The following DERA variants were observed in gnomAD, a reference collection of about 807,000 sequenced individuals.
The protein encoded by DERA is 2-deoxy-D-ribose 5-phosphate aldolase.
Under a neutral mutation model 41.1 loss-of-function variants are expected in DERA, and 15 were observed. That is an observed-to-expected ratio of 0.37 (90% CI 0.24 to 0.56). The LOEUF (loss-of-function observed/expected upper bound fraction) is 0.56, where lower values mean the gene tolerates loss of function less well. DERA is among the 20% of genes least tolerant of loss of function. The probability of loss-of-function intolerance (pLI) is 0.81; values close to 1 mark genes in which losing one functional copy is unlikely to be tolerated. For missense variants in DERA, 396 were observed against 403.4 expected (o/e 0.98, Z 0.16); for synonymous variants, 139 against 137.4 (o/e 1.01, Z -0.08).
rs1949017862 is a variant in DERA, at chr12:16,021,675, C to T, written c.638-10867C>T. Among the ~76,000 whole-genome samples the T allele has an allele frequency of 6.6e-6, 1 of 152,218 alleles. No homozygotes were observed. Among genetic ancestry groups the T allele is most frequent in the South Asian group, 2.1e-4 (1 of 4,832 alleles). ...GGACTTAGGAGCCCACCTCTTTCAC[C>T]AGTGTGCCCTGGATGCAGGACATGG... On this transcript the variant is annotated intron_variant, in intron 6 of 8. Coordinates refer to ENST00000428559, the MANE Select transcript of DERA (RefSeq NM_015954.4). The surrounding 1 kb of genome is among the most constrained non-coding windows in gnomAD (Gnocchi z 5.3).
At chr12:15,949,240 G>A (rs138307663) in intron 1 of DERA, among the ~76,000 whole-genome samples, 465 of 152,258 alleles carry the variant, frequency 3.1e-3, no homozygotes, top group Non-Finnish European at 5.3e-3. Flanking sequence ...AGATAGGGAC[G>A]TTTAAGTCTG....
chr12:15,973,684 C>T (rs754720842), intron 5 of DERA, among the ~76,000 whole-genome samples: 15 of 151,924 alleles, frequency 9.9e-5, no homozygotes, highest in Non-Finnish European at 2.2e-4. Context: ...TTTTTATGTC[C>T]ATGTGATGGA....
Position 15,996,285 on chromosome 12 carries a change from G to A in DERA, c.637+13849G>A, listed in dbSNP as rs971417564. Among the ~76,000 whole-genome samples the A allele has an allele frequency of 6.6e-6, 1 of 151,948 alleles. No individual in the cohort carries two copies. The highest frequency in any genetic ancestry group is 2.4e-5 in the African/African-American group (1 of 41,362). ...AGTGTATTAGTTTCTTGGGCTCGCT[G>A]TAACAGAGTACCGCAAATTAGATGG... is the stretch of plus-strand genomic sequence containing the variant. On this transcript the variant is annotated intron_variant, in intron 6 of 8. Coordinates refer to ENST00000428559, the MANE Select transcript of DERA (RefSeq NM_015954.4). The surrounding 1 kb of genome is among the most constrained non-coding windows in gnomAD (Gnocchi z 4.7).
chr12:15,986,571 A>G (rs943375143), intron 6 of DERA, among the ~76,000 whole-genome samples: 1 of 152,174 alleles, frequency 6.6e-6, no homozygotes, highest in Non-Finnish European at 1.5e-5. Context: ...TTCACTATAC[A>G]TGTCACAAAT....
intron 1 of DERA, among the ~76,000 whole-genome samples, chr12:15,937,485 G>T (rs1291769279): frequency 1.3e-5 from 2 of 152,164 alleles, no homozygotes; most frequent in Non-Finnish European, 2.9e-5. Flanking sequence ...GCTTTGACCT[G>T]CATGTCCTGT....
In DERA at chr12:16,037,219, G is replaced by A. The variant is rs1471293040; in HGVS notation, c.*473G>A. On this transcript the variant is annotated 3_prime_UTR_variant, in exon 9 of 9. Coordinates refer to ENST00000428559, the MANE Select transcript of DERA (RefSeq NM_015954.4). This position sits in a 1 kb window ranked among gnomAD's most constrained non-coding sequence, Gnocchi z 6.7. ...TGGATAGGCGCTTTTATTAATTGTTGTCCTAATGAAATTTCTGACATTGTC... is the reference window on the plus strand; with the variant it reads ...TGGATAGGCGCTTTTATTAATTGTTATCCTAATGAAATTTCTGACATTGTC... 6.6e-6 allele frequency: 1 copy of A among 152,294 alleles called. No homozygotes were observed. Among genetic ancestry groups the A allele is most frequent in the Non-Finnish European group, 1.5e-5 (1 of 68,232 alleles). The allele number at this position is 152,294 out of a possible 1,614,324, so 9.4% of individuals were successfully genotyped here.
chr12:16,036,472 T>C lies in DERA; in HGVS notation c.900+91T>C. Reference sequence around the variant, plus strand: ...CAAATTGAGAACTGGAGATAAAAACTCATCTGATTGACCTCATCCTACCCA... The same window carrying C: ...CAAATTGAGAACTGGAGATAAAAACCCATCTGATTGACCTCATCCTACCCA... On this transcript the variant is annotated intron_variant, in intron 8 of 8. Coordinates refer to ENST00000428559, the MANE Select transcript of DERA (RefSeq NM_015954.4). This position sits in a 1 kb window ranked among gnomAD's most constrained non-coding sequence, Gnocchi z 4.9. The C allele has an allele frequency of 1.4e-6, 2 of 1,413,116 alleles. No individual in the cohort carries two copies. The highest frequency in any genetic ancestry group is 1.9e-6 in the Non-Finnish European group (2 of 1,039,738). 87.5% of individuals were successfully genotyped at this position (1,413,116 alleles called of 1,614,324 possible).
chr12:15,961,230 G>C (rs1378330559), intron 4 of DERA, among the ~76,000 whole-genome samples: 1 of 152,248 alleles, frequency 6.6e-6, no homozygotes, highest in Non-Finnish European at 1.5e-5. Context: ...ACTGACTTCA[G>C]ATAGACACGG....
In DERA at chr12:15,995,059, A is replaced by G. The variant is rs996219683; in HGVS notation, c.637+12623A>G. ...TGAAGGACTTTTGACTCTAAACTCC[A>G]TGCTTTTATTAATGCACAACCCTGC... is the stretch of plus-strand genomic sequence containing the variant. On this transcript the variant is annotated intron_variant, in intron 6 of 8. Transcript: ENST00000428559. The surrounding 1 kb of genome is among the most constrained non-coding windows in gnomAD (Gnocchi z 5.1). Among the ~76,000 whole-genome samples, 3 of 152,196 alleles carry G rather than the reference A, an allele frequency of 2.0e-5. No individual in the cohort carries two copies. Among genetic ancestry groups the G allele is most frequent in the South Asian group, 2.1e-4 (1 of 4,832 alleles).
intron 1 of DERA, among the ~76,000 whole-genome samples, chr12:15,956,194 G>A (rs184550538): frequency 4.1e-4 from 62 of 152,296 alleles, no homozygotes; most frequent in Admixed American, 1.1e-3. Context: ...AGCTCTGTCT[G>A]GGGAGCTGAC....
rs12307152 is a variant in DERA, at chr12:15,936,902, T to C, written c.32-20034T>C. ...TGTCTTGTCTTGTCCTGTCCTGTCC[T>C]GTCCTGTCCTGTCCTGTCCTGTCCT... On this transcript the variant is annotated intron_variant, in intron 1 of 8. Transcript: ENST00000428559. This position sits in a 1 kb window ranked among gnomAD's most constrained non-coding sequence, Gnocchi z 4.6. Among the ~76,000 whole-genome samples, 4,787 of 140,840 alleles carry C rather than the reference T, an allele frequency of 0.034. 237 individuals are homozygous for C. Among genetic ancestry groups the C allele is most frequent in the African/African-American group, 0.098 (3,698 of 37,734 alleles). 92.4% of individuals were successfully genotyped at this position (140,840 alleles called of 152,430 possible).
chr12:15,997,614 C>T (rs1403083088), intron 6 of DERA, among the ~76,000 whole-genome samples: 1 of 152,128 alleles, frequency 6.6e-6, no homozygotes, highest in Non-Finnish European at 1.5e-5. Flanking sequence ...GAGGAAACTA[C>T]ATATCTAAAG....
chr12:15,958,426 T>C (rs979280922), intron 3 of DERA, 91 bp downstream of exon 3: 38 of 949,280 alleles, frequency 4.0e-5, no homozygotes, highest in Admixed American at 1.5e-4. Flanking sequence ...CTGCTAATGA[T>C]AGCGGTGATA....
rs757380427 is a variant in DERA at position 16,021,632 on chromosome 12, C to G, written c.638-10910C>G. 1.3e-5 allele frequency among the ~76,000 whole-genome samples: 2 copies of G among 152,224 alleles called. No homozygotes were observed. The highest frequency in any genetic ancestry group is 4.8e-5 in the African/African-American group (2 of 41,468). On this transcript the variant is annotated intron_variant, in intron 6 of 8. Coordinates refer to ENST00000428559, the MANE Select transcript of DERA (RefSeq NM_015954.4). The surrounding 1 kb of genome is among the most constrained non-coding windows in gnomAD (Gnocchi z 5.3). ...TTGCAACTACCACATGGAAAAGCCA[C>G]AGGGCAGAGCTTTCCAAGGACTTAG...
In DERA at chr12:15,911,463, C is replaced by CG. The variant is rs1948162949; in HGVS notation, c.31+50dup. On this transcript the variant is annotated intron_variant, in intron 1 of 8. Transcript: ENST00000428559. The surrounding 1 kb of genome is among the most constrained non-coding windows in gnomAD (Gnocchi z 4.5). ...ATCCCCTCTCCCTCGCGTTCAGCGCCGCCGGGACTAGCGCGGGGCCTGCTG... is the reference window on the plus strand; with the variant it reads ...ATCCCCTCTCCCTCGCGTTCAGCGCCGGCCGGGACTAGCGCGGGGCCTGCTG... 1 of 1,404,010 alleles carries CG rather than the reference C, an allele frequency of 7.1e-7. No individual in the cohort carries two copies. Among genetic ancestry groups the CG allele is most frequent in the South Asian group, 1.5e-5 (1 of 65,512 alleles). 87.0% of individuals were successfully genotyped at this position (1,404,010 alleles called of 1,614,324 possible).
chr12:15,959,997 T>C lies in DERA; in HGVS notation c.373+73T>C. On this transcript the variant is annotated intron_variant, in intron 4 of 8. Coordinates refer to ENST00000428559, the MANE Select transcript of DERA (RefSeq NM_015954.4). This position sits in a 1 kb window ranked among gnomAD's most constrained non-coding sequence, Gnocchi z 4.5. Reference sequence around the variant, plus strand: ...GTTCTTCATACAATGGGGTATTATATGTAGGTTTGTACTATGATTTAAATT... The same window carrying C: ...GTTCTTCATACAATGGGGTATTATACGTAGGTTTGTACTATGATTTAAATT... 1 of 1,110,660 alleles carries C rather than the reference T, an allele frequency of 9.0e-7. No homozygotes were observed. Among genetic ancestry groups the C allele is most frequent in the South Asian group, 1.5e-5 (1 of 67,982 alleles). The allele number at this position is 1,110,660 out of a possible 1,614,324, so 68.8% of individuals were successfully genotyped here.
At chr12:15,939,413 T>A (rs1303661516) in intron 1 of DERA, among the ~76,000 whole-genome samples, 1 of 152,170 alleles carries the variant, frequency 6.6e-6, no homozygotes. Flanking sequence ...CAAAAGACAG[T>A]CAAAAGAGAC....
intron 5 of DERA, among the ~76,000 whole-genome samples, chr12:15,978,033 A>G (rs535596871): frequency 2.2e-4 from 33 of 152,292 alleles, no homozygotes; most frequent in Admixed American, 7.8e-4. Context: ...TCCTACCAAC[A>G]TAGGGGAAAA....
intron 1 of DERA, among the ~76,000 whole-genome samples, chr12:15,914,246 G>A (rs1248607368): frequency 6.6e-6 from 1 of 152,198 alleles, no homozygotes; most frequent in Non-Finnish European, 1.5e-5. Flanking sequence ...GCTGGGCATA[G>A]TGGCGCATGC....
Sources: gnomAD v4.1 joint callset for allele counts (sites outside exome capture counted in the v4.1 genomes callset) on GRCh38, gnomAD v4.1.1 for gene constraint, Gnocchi (gnomAD v3.1) non-coding constraint, MANE v1.5 for transcripts, NCBI Gene and HGNC (gene_info 2026-07-23, HGNC 2026-07-21) for gene names.